The following TRPS1 variants were observed in gnomAD, a reference collection of about 807,000 sequenced individuals.
The protein encoded by TRPS1 is zinc finger transcription factor Trps1.
TRPS1 carries 6 observed loss-of-function variants against 101.2 expected under a neutral mutation model. The observed-to-expected ratio is 0.06, with a 90% confidence interval of 0.03 to 0.12. The LOEUF is 0.12. Ranked by LOEUF, TRPS1 falls within the 10% of genes least tolerant of loss-of-function variation. TRPS1 has a pLI of 1.00. For synonymous variants in TRPS1, 578 were observed against 589.8 expected (o/e 0.98, Z 0.29); for missense variants, 1,363 against 1,567.0 (o/e 0.87, Z 2.20).
At chr8:115,476,539 C>T (rs1372027362) in intron 5 of TRPS1, among the ~76,000 whole-genome samples, 1 of 152,142 alleles carries the variant, frequency 6.6e-6, no homozygotes, top group Non-Finnish European at 1.5e-5. Flanking sequence ...TTCTATTCAA[C>T]ATATAGCCTG....
intron 1 of TRPS1, among the ~76,000 whole-genome samples, chr8:115,642,869 T>G (rs1474800989): frequency 2.0e-5 from 3 of 147,822 alleles, no homozygotes; most frequent in Non-Finnish European, 4.5e-5. Context: ...TATATAAATA[T>G]ATATATTTAA....
intron 5 of TRPS1, among the ~76,000 whole-genome samples, chr8:115,450,372 A>G (rs1425371689): frequency 1.1e-4 from 16 of 152,134 alleles, no homozygotes. Context: ...GACCATCTTA[A>G]ATGCTTTGAA....
intron 1 of TRPS1, among the ~76,000 whole-genome samples, chr8:115,664,721 T>C (rs1363482080): frequency 6.6e-6 from 1 of 152,142 alleles, no homozygotes; most frequent in Non-Finnish European, 1.5e-5. Flanking sequence ...CGGGTTTTTA[T>C]CAAATTGATT....
intron 5 of TRPS1, among the ~76,000 whole-genome samples, chr8:115,530,960 T>C (rs1319048830): frequency 6.6e-6 from 1 of 151,972 alleles, no homozygotes; most frequent in Non-Finnish European, 1.5e-5. Context: ...GGGATAGCAT[T>C]AGGAGATATA....
At chr8:115,593,058 T>A (rs1817712931) in intron 4 of TRPS1, among the ~76,000 whole-genome samples, 1 of 152,008 alleles carries the variant, frequency 6.6e-6, no homozygotes. Context: ...GCTCAAGGGA[T>A]CCTCCCACGT....
At chr8:115,423,652 A>G (rs1380699503) in intron 5 of TRPS1, among the ~76,000 whole-genome samples, 1 of 152,362 alleles carries the variant, frequency 6.6e-6, no homozygotes, top group South Asian at 2.1e-4. Flanking sequence ...TTTTGTCTTT[A>G]GGTTCACGGC....
chr8:115,589,887 C>T (rs985311448), intron 4 of TRPS1, among the ~76,000 whole-genome samples: 4 of 152,212 alleles, frequency 2.6e-5, no homozygotes, highest in East Asian at 3.9e-4. Context: ...GAAGCAGAGG[C>T]GGGCAGATCA....
rs1421004043 is a variant in TRPS1, at chr8:115,492,161, A to C, written c.2701-73709T>G. 6.6e-6 allele frequency: 3 copies of C among 455,936 alleles called. No individual in the cohort carries two copies. The Admixed American group carries it at 7.1e-5, about 11-fold the overall frequency. 28.2% of individuals were successfully genotyped at this position (455,936 alleles called of 1,614,324 possible). On this transcript the variant is annotated intron_variant, in intron 5 of 6. Transcript: ENST00000395715. ...TTTGGTTAGTCAGGAAATACTTCAAAGAGTATGGGTCTTAGAAAATACTGA... is the reference window on the plus strand; with the variant it reads ...TTTGGTTAGTCAGGAAATACTTCAACGAGTATGGGTCTTAGAAAATACTGA...
chr8:115,514,974 G>T (rs1815674986), intron 5 of TRPS1, among the ~76,000 whole-genome samples: 1 of 151,434 alleles, frequency 6.6e-6, no homozygotes, highest in Non-Finnish European at 1.5e-5. Context: ...GTATGACAAA[G>T]ACTATTACAA....
At chr8:115,593,347 C>T (rs1223217591) in intron 4 of TRPS1, among the ~76,000 whole-genome samples, 1 of 152,096 alleles carries the variant, frequency 6.6e-6, no homozygotes, top group Non-Finnish European at 1.5e-5. Context: ...TATATTTCCA[C>T]CCCATTTTGC....
At chr8:115,429,927 G>A (rs1220920426) in intron 5 of TRPS1, among the ~76,000 whole-genome samples, 8 of 151,952 alleles carry the variant, frequency 5.3e-5, no homozygotes, top group African/African-American at 1.9e-4. Flanking sequence ...TCTCCCTATT[G>A]TGAAGTAATA....
chr8:115,550,486 T>C (rs1816677948), intron 5 of TRPS1, among the ~76,000 whole-genome samples: 1 of 152,168 alleles, frequency 6.6e-6, no homozygotes, highest in African/African-American at 2.4e-5. Context: ...ATCTTAAGGA[T>C]ACTGTGAAGA....
In TRPS1 at chr8:115,414,988, C is replaced by T; in HGVS notation, c.2920G>A (p.Glu974Lys). 1.3e-6 allele frequency: 2 copies of T among 1,578,656 alleles called. No homozygotes were observed. The highest frequency in any genetic ancestry group is 1.7e-6 in the Non-Finnish European group (2 of 1,166,704). ...KRLNPEALQA[E>K]QLNKQQRGSN... ...CCCCTCTGCTGTTTGTTGAGCTGCTCAGCCTGAAGTGCCTCTGGGTTAAGG... is the reference window on the plus strand; with the variant it reads ...CCCCTCTGCTGTTTGTTGAGCTGCTTAGCCTGAAGTGCCTCTGGGTTAAGG... The change falls in exon 7 of 7, where the codon GAG becomes AAG. Residue 974 changes from glutamate to lysine, a missense_variant. Glu to Lys is a moderately conservative substitution (Grantham distance 56). Coordinates refer to ENST00000395715, the MANE Select transcript of TRPS1 (RefSeq NM_014112.5). The surrounding 1 kb of genome is among the most constrained non-coding windows in gnomAD (Gnocchi z 4.8).
At chr8:115,659,768 T>C (rs1314759452) in intron 1 of TRPS1, among the ~76,000 whole-genome samples, 2 of 152,020 alleles carry the variant, frequency 1.3e-5, no homozygotes, top group Non-Finnish European at 2.9e-5. Flanking sequence ...AAGTAGAATT[T>C]GGTTTTTAAT....
At chr8:115,529,401 G>C (rs955455409) in intron 5 of TRPS1, among the ~76,000 whole-genome samples, 1 of 151,950 alleles carries the variant, frequency 6.6e-6, no homozygotes, top group Non-Finnish European at 1.5e-5. Context: ...AAAATTACAC[G>C]ATATATATTT....
At chr8:115,594,567 A>G (rs1189642304) in intron 4 of TRPS1, among the ~76,000 whole-genome samples, 6 of 152,038 alleles carry the variant, frequency 3.9e-5, no homozygotes, top group Non-Finnish European at 8.8e-5. Context: ...AAATTGCCTA[A>G]AAAGATCAAA....
intron 3 of TRPS1, among the ~76,000 whole-genome samples, chr8:115,615,956 G>A (rs1818268187): frequency 6.6e-6 from 1 of 152,150 alleles, no homozygotes; most frequent in Non-Finnish European, 1.5e-5. Flanking sequence ...GAACATGCTG[G>A]ATAAATGAAA....
intron 3 of TRPS1, among the ~76,000 whole-genome samples, chr8:115,605,539 T>C (rs1343728481): frequency 2.0e-5 from 3 of 152,108 alleles, no homozygotes; most frequent in African/African-American, 4.8e-5. Flanking sequence ...GGTGCTCCAA[T>C]GACCACCCAA....
At chr8:115,465,701 T>C (rs1352205245) in intron 5 of TRPS1, among the ~76,000 whole-genome samples, 1 of 152,140 alleles carries the variant, frequency 6.6e-6, no homozygotes, top group East Asian at 1.9e-4. Context: ...TGCAAAAGTA[T>C]GATCTTTCAT....
Sources: gnomAD v4.1 joint callset for allele counts (sites outside exome capture counted in the v4.1 genomes callset) on GRCh38, gnomAD v4.1.1 for gene constraint, Gnocchi (gnomAD v3.1) non-coding constraint, MANE v1.5 for transcripts, NCBI Gene and HGNC (gene_info 2026-07-23, HGNC 2026-07-21) for gene names.